ARHGEF3: variants seen among roughly 807,000 people sequenced by gnomAD.
ARHGEF3 encodes 59.8 kDA protein.
Under a neutral mutation model 63.2 loss-of-function variants are expected in ARHGEF3, and 28 were observed. The observed-to-expected ratio is 0.44, with a 90% confidence interval of 0.33 to 0.61. The LOEUF is 0.61. Ranked by LOEUF, ARHGEF3 falls within the 20% of genes least tolerant of loss-of-function variation. The pLI, the probability that ARHGEF3 is intolerant of heterozygous loss-of-function variation, is 0.03. For synonymous variants in ARHGEF3, 266 were observed against 254.2 expected, an observed-to-expected ratio of 1.05 and a Z score of -0.44; for missense variants, 533 against 659.3, an observed-to-expected ratio of 0.81 and a Z score of 2.10.
intron 3 of ARHGEF3, among the ~76,000 whole-genome samples, chr3:56,956,021 C>T (rs1323834992): frequency 6.6e-6 from 1 of 152,238 alleles, no homozygotes; most frequent in African/African-American, 2.4e-5. Context: ...CAATAAGCCT[C>T]AGGGCCCAGA....
chr3:56,833,173 TCTC>T, intron 4 of ARHGEF3, among the ~76,000 whole-genome samples: 1 of 152,270 alleles, frequency 6.6e-6, no homozygotes, highest in African/African-American at 2.4e-5. Flanking sequence ...GCCAAACTCT[TCTC>T]CACAACAGCT....
chr3:56,805,118 AC>A (rs1455316887), upstream of ARHGEF3, among the ~76,000 whole-genome samples: 2 of 152,106 alleles, frequency 1.3e-5, no homozygotes, highest in African/African-American at 4.8e-5. Context: ...GAAAATAGTC[AC>A]CCTGGCGACG....
At chr3:56,993,193 T>C (rs1701832763) in intron 2 of ARHGEF3, among the ~76,000 whole-genome samples, 2 of 152,222 alleles carry the variant, frequency 1.3e-5, no homozygotes. Flanking sequence ...AACATCATTC[T>C]ACACTCAAGC....
chr3:56,825,097 C>T (rs965483918), intron 4 of ARHGEF3, among the ~76,000 whole-genome samples: 2 of 152,198 alleles, frequency 1.3e-5, no homozygotes, highest in African/African-American at 2.4e-5. Context: ...AGTAATCTTT[C>T]TGAGCCTCAG....
chr3:56,882,874 G>A (rs1408174797), intron 3 of ARHGEF3, among the ~76,000 whole-genome samples: 4 of 152,092 alleles, frequency 2.6e-5, no homozygotes, highest in African/African-American at 9.7e-5. Flanking sequence ...TAAGCTCTAG[G>A]ATAATTGGTT....
chr3:56,941,913 T>G (rs765268268), intron 3 of ARHGEF3, among the ~76,000 whole-genome samples: 2 of 152,242 alleles, frequency 1.3e-5, no homozygotes, highest in Non-Finnish European at 2.9e-5. Context: ...ATTGCACTTG[T>G]TACAATCATC....
At chr3:56,959,008 T>C in intron 2 of ARHGEF3, 1 of 1,057,678 alleles carries the variant, frequency 9.5e-7, no homozygotes, top group Non-Finnish European at 1.4e-6. Flanking sequence ...CCAAACAAGG[T>C]GGATGGAGTT....
intron 1 of ARHGEF3, chr3:56,775,057 A>G: frequency 1.3e-6 from 2 of 1,551,450 alleles, no homozygotes; most frequent in Non-Finnish European, 8.7e-7. Flanking sequence ...ACATGAAGAT[A>G]CCAAATTTTG....
At chr3:56,840,622 G>C (rs2039280724) in intron 4 of ARHGEF3, among the ~76,000 whole-genome samples, 1 of 152,186 alleles carries the variant, frequency 6.6e-6, no homozygotes, top group African/African-American at 2.4e-5. Flanking sequence ...GAGACACCAA[G>C]ATGGAAGCTC....
At position 57,061,756 on chromosome 3, in the gene ARHGEF3, C is replaced by T. The variant is rs1161766359; in HGVS notation, c.-28+17470G>A. Reference sequence around the variant, plus strand: ...AGCTAACTCTCAGTGAGCAGTCTCTCATCCTGTGTTACTCACCACTCTAAG... The same window carrying T: ...AGCTAACTCTCAGTGAGCAGTCTCTTATCCTGTGTTACTCACCACTCTAAG... On this transcript the variant is annotated intron_variant, in intron 1 of 12. Coordinates refer to the ARHGEF3 transcript ENST00000338458. Among the ~76,000 whole-genome samples, 3 of 152,204 alleles carry T rather than the reference C, an allele frequency of 2.0e-5. No homozygotes were observed. The East Asian group carries it at 5.8e-4, about 29-fold the overall frequency.
intron 4 of ARHGEF3, among the ~76,000 whole-genome samples, chr3:56,851,521 G>A (rs1578674967): frequency 6.6e-6 from 1 of 151,972 alleles, no homozygotes; most frequent in Non-Finnish European, 1.5e-5. Flanking sequence ...CCAAGTAGCT[G>A]GGACTACAGG....
intron 2 of ARHGEF3, among the ~76,000 whole-genome samples, chr3:56,983,518 C>T (rs1441584733): frequency 1.3e-5 from 2 of 152,188 alleles, no homozygotes; most frequent in Non-Finnish European, 2.9e-5. Context: ...AAAATCCCCT[C>T]GCCTCCAATA....
intron 4 of ARHGEF3, among the ~76,000 whole-genome samples, chr3:56,880,551 G>A (rs1411659863): frequency 6.6e-6 from 1 of 152,126 alleles, no homozygotes; most frequent in Admixed American, 6.5e-5. Flanking sequence ...GTAAGACAAG[G>A]CATAATCTTA....
At position 56,914,294 on chromosome 3, in the gene ARHGEF3, G is replaced by A. The variant is rs933159976; in HGVS notation, c.130-31940C>T. Among the ~76,000 whole-genome samples the A allele has an allele frequency of 1.3e-3, 204 of 152,228 alleles. 3 individuals carry two copies. The highest frequency in any genetic ancestry group is 7.4e-4 in the Non-Finnish European group (50 of 68,012). On this transcript the variant is annotated intron_variant, in intron 3 of 12. Transcript: ENST00000338458. ...TTATGGGAAAAAAATTGAAAGCAGG[G>A]TCTTAAGAGATATTTGTACATTCAT...
At chr3:56,970,448 G>A (rs998950825) in intron 2 of ARHGEF3, among the ~76,000 whole-genome samples, 2 of 152,158 alleles carry the variant, frequency 1.3e-5, no homozygotes, top group African/African-American at 2.4e-5. Flanking sequence ...TAGTGGTGGA[G>A]TTTTATCAGT....
intron 1 of ARHGEF3, among the ~76,000 whole-genome samples, chr3:57,065,423 TGCACTCCA>T (rs1230249140): frequency 1.3e-5 from 2 of 151,718 alleles, no homozygotes; most frequent in Non-Finnish European, 2.9e-5. Context: ...ATTATGTCAC[TGCACTCCA>T]GCCTGGGCAA....
upstream of ARHGEF3, among the ~76,000 whole-genome samples, chr3:56,803,890 T>C (rs2037769694): frequency 3.3e-5 from 1 of 30,088 alleles, no homozygotes; most frequent in South Asian, 9.3e-4. Flanking sequence ...TTTTCTTTCT[T>C]TTTTTTTTTT....
At chr3:56,957,572 A>G (rs1700097685) in intron 3 of ARHGEF3, among the ~76,000 whole-genome samples, 1 of 152,232 alleles carries the variant, frequency 6.6e-6, no homozygotes. Context: ...TACACTCTTC[A>G]TGCCTGAGTC....
intron 6 of ARHGEF3, 86 bp downstream of exon 6, chr3:56,750,970 T>C: frequency 1.0e-6 from 1 of 969,924 alleles, no homozygotes; most frequent in Non-Finnish European, 1.4e-6. Flanking sequence ...AAAATAAAAA[T>C]AAAAATAAAA....
Sources: allele counts gnomAD v4.1 joint callset (sites outside exome capture counted in the v4.1 genomes callset), GRCh38; gene constraint gnomAD v4.1.1; transcripts MANE v1.5; gene names NCBI Gene and HGNC (gene_info 2026-07-23, HGNC 2026-07-21).